BNC2: variants seen among roughly 807,000 people sequenced by gnomAD.
BNC2 encodes zinc finger protein basonuclin-2.
Under a neutral mutation model 76.3 loss-of-function variants are expected in BNC2, and 20 were observed. The observed-to-expected ratio is 0.26, with a 90% confidence interval of 0.18 to 0.38. The LOEUF is 0.38. Among genes scored for constraint, BNC2 ranks in the 10% least tolerant of loss-of-function variants. The pLI is 1.00. For missense variants in BNC2, 1,382 were observed against 1,399.8 expected (o/e 0.99, Z 0.20); for synonymous variants, 582 against 514.8 (o/e 1.13, Z -1.77).
At chr9:16,648,442 C>T (rs923739483) in intron 3 of BNC2, among the ~76,000 whole-genome samples, 1 of 152,166 alleles carries the variant, frequency 6.6e-6, no homozygotes, top group African/African-American at 2.4e-5. Context: ...TTAGCCAAGT[C>T]AAGAGAGATG....
chr9:16,610,501 G>A (rs1820514470), intron 3 of BNC2, among the ~76,000 whole-genome samples: 1 of 152,238 alleles, frequency 6.6e-6, no homozygotes, highest in South Asian at 2.1e-4. Context: ...ATTTATCAGG[G>A]TTATAAGGGT....
At chr9:16,662,867 C>G (rs1167878069) in intron 3 of BNC2, among the ~76,000 whole-genome samples, 1 of 152,180 alleles carries the variant, frequency 6.6e-6, no homozygotes, top group African/African-American at 2.4e-5. Context: ...GTTACTAAAT[C>G]AATGTGTTTT....
chr9:16,571,237 GT>G, intron 4 of BNC2, among the ~76,000 whole-genome samples: 1 of 152,248 alleles, frequency 6.6e-6, no homozygotes, highest in East Asian at 1.9e-4. Flanking sequence ...TTAAAAGTGT[GT>G]TGATAATAGG....
chr9:16,634,820 C>G (rs1821274309), intron 3 of BNC2, among the ~76,000 whole-genome samples: 1 of 152,080 alleles, frequency 6.6e-6, no homozygotes, highest in African/African-American at 2.4e-5. Flanking sequence ...CATTCTTAAA[C>G]CCCAAAGTCT....
chr9:16,555,092 T>G (rs1250643680), intron 4 of BNC2, among the ~76,000 whole-genome samples: 1 of 151,898 alleles, frequency 6.6e-6, no homozygotes, highest in Non-Finnish European at 1.5e-5. Flanking sequence ...CGATCTCGGC[T>G]CACTGCAAGC....
chr9:16,849,352 A>ATTT (rs35561834), intron 1 of BNC2, among the ~76,000 whole-genome samples: 1,486 of 90,030 alleles, frequency 0.017, 4 homozygotes, highest in Non-Finnish European at 0.021. Context: ...CATGCAAAAG[A>ATTT]TTTTTTTTTT....
At chr9:16,525,956 A>G (rs1264405324) in intron 5 of BNC2, among the ~76,000 whole-genome samples, 1 of 152,162 alleles carries the variant, frequency 6.6e-6, no homozygotes, top group African/African-American at 2.4e-5. Flanking sequence ...GATACAGCAC[A>G]ATCAAGAGTC....
chr9:16,592,121 C>G lies in BNC2; in HGVS notation c.331-9036G>C, dbSNP rs900509661. Among the ~76,000 whole-genome samples, 4 of 151,830 alleles carry G rather than the reference C, an allele frequency of 2.6e-5. No individual in the cohort carries two copies. The South Asian group carries it at 8.3e-4, about 32-fold the overall frequency. ...GATGGTTAACCACCCCTCCCCTCCC[C>G]CCAAAAAAAACCTTGAGAAAAATGT... is the stretch of plus-strand genomic sequence containing the variant. On this transcript the variant is annotated intron_variant, in intron 3 of 6. Transcript: ENST00000380672.
At chr9:16,534,612 G>A (rs552727817) in intron 5 of BNC2, among the ~76,000 whole-genome samples, 86 of 152,014 alleles carry the variant, frequency 5.7e-4, no homozygotes, top group African/African-American at 2.0e-3. Context: ...TCTCTTTATC[G>A]TCTTTTGTAG....
At chr9:16,760,171 C>G (rs1424056177) in intron 1 of BNC2, among the ~76,000 whole-genome samples, 1 of 152,188 alleles carries the variant, frequency 6.6e-6, no homozygotes, top group Admixed American at 6.5e-5. Flanking sequence ...ACCAAGTAAT[C>G]AGCTTCATTT....
intron 1 of BNC2, among the ~76,000 whole-genome samples, chr9:16,862,191 A>C (rs916798993): frequency 9.2e-5 from 14 of 152,188 alleles, no homozygotes; most frequent in Admixed American, 6.5e-4. Flanking sequence ...AAATGAAAAC[A>C]TTATGTCCAC....
At chr9:16,464,549 A>AT (rs1385218500) in intron 5 of BNC2, among the ~76,000 whole-genome samples, 1 of 149,110 alleles carries the variant, frequency 6.7e-6, no homozygotes, top group Non-Finnish European at 1.5e-5. Flanking sequence ...TTGCAGACTG[A>AT]TAAGATTAAA....
At chr9:16,485,038 C>A (rs1054005214) in intron 5 of BNC2, among the ~76,000 whole-genome samples, 1 of 152,044 alleles carries the variant, frequency 6.6e-6, no homozygotes, top group Admixed American at 6.6e-5. Context: ...TTTCATAATG[C>A]CCTTAACAAA....
intron 5 of BNC2, among the ~76,000 whole-genome samples, chr9:16,499,258 G>A (rs1822466903): frequency 6.6e-6 from 1 of 152,006 alleles, no homozygotes; most frequent in Admixed American, 6.6e-5. Context: ...GAAAACTGAG[G>A]CTCAGTCAGT....
intron 3 of BNC2, among the ~76,000 whole-genome samples, chr9:16,591,515 A>G (rs777089130): frequency 6.6e-6 from 1 of 152,226 alleles, no homozygotes; most frequent in East Asian, 1.9e-4. Flanking sequence ...CTATAGTTTT[A>G]GTAAGGTGGG....
At chr9:16,745,745 C>T (rs12002953) in intron 1 of BNC2, among the ~76,000 whole-genome samples, 11,494 of 152,192 alleles carry the variant, frequency 0.076, 1,234 homozygotes, top group African/African-American at 0.24. Context: ...ATTACTTTTC[C>T]GTTTTCCTAA....
At position 16,785,439 on chromosome 9, in the gene BNC2, G is replaced by C. The variant is rs1207952295; in HGVS notation, c.4-46954C>G. The stretch of plus-strand genomic sequence containing the variant: ...AGACAGAGTTTTGCTCTGCCACCCA[G>C]GTCGGAGTGCAGTGGCTCGTTATTG... On this transcript the variant is annotated intron_variant, in intron 1 of 6. Transcript: ENST00000380672. Among the ~76,000 whole-genome samples, 3 of 152,232 alleles carry C rather than the reference G, an allele frequency of 2.0e-5. No homozygotes were observed. The East Asian group carries it at 5.8e-4, about 29-fold the overall frequency.
chr9:16,785,011 G>C (rs574745887), intron 1 of BNC2, among the ~76,000 whole-genome samples: 1 of 152,312 alleles, frequency 6.6e-6, no homozygotes, highest in Admixed American at 6.5e-5. Flanking sequence ...GATTAATACA[G>C]TATGAATACA....
chr9:16,709,900 G>A (rs903941440), intron 3 of BNC2, among the ~76,000 whole-genome samples: 4 of 152,078 alleles, frequency 2.6e-5, no homozygotes, highest in Non-Finnish European at 4.4e-5. Context: ...AGATATGAAG[G>A]GGAAAAGTGG....
Sources: gnomAD v4.1 joint callset for allele counts (sites outside exome capture counted in the v4.1 genomes callset) on GRCh38, gnomAD v4.1.1 for gene constraint, MANE v1.5 for transcripts, NCBI Gene and HGNC (gene_info 2026-07-23, HGNC 2026-07-21) for gene names.